Variants in HIBADH observed in about 807,000 individuals in gnomAD.
HIBADH encodes 3-hydroxyisobutyrate dehydrogenase, also known as 3-hydroxyisobutyrate dehydrogenase, mitochondrial.
HIBADH carries 25 observed loss-of-function variants against 36.1 expected under a neutral mutation model. That is an observed-to-expected ratio of 0.69 (90% CI 0.50 to 0.97). HIBADH has a LOEUF of 0.97. Ranked by LOEUF, HIBADH falls within the 50% of genes least tolerant of loss-of-function variation. HIBADH has a pLI of 0.00. For synonymous variants in HIBADH, 160 were observed against 149.5 expected, an observed-to-expected ratio of 1.07 and a Z score of -0.51; for missense variants, 421 against 418.0, an observed-to-expected ratio of 1.01 and a Z score of -0.06.
chr7:27,565,338 C>T (rs1784530400), intron 4 of HIBADH, among the ~76,000 whole-genome samples: 1 of 152,180 alleles, frequency 6.6e-6, no homozygotes, highest in Non-Finnish European at 1.5e-5. Context: ...CCCATATGGC[C>T]TTGTGTGGTG....
At chr7:27,566,240 TTAAA>T (rs1784546789) in intron 4 of HIBADH, among the ~76,000 whole-genome samples, 1 of 152,102 alleles carries the variant, frequency 6.6e-6, no homozygotes, top group African/African-American at 2.4e-5. Flanking sequence ...TGCTATTTCT[TTAAA>T]TAAGAAGAAA....
chr7:27,654,667 T>C (rs571903640), intron 1 of HIBADH, among the ~76,000 whole-genome samples: 6 of 148,548 alleles, frequency 4.0e-5, no homozygotes, highest in Non-Finnish European at 8.9e-5. Flanking sequence ...CTCAGGGGTA[T>C]GATGATGGAT....
intron 7 of HIBADH, among the ~76,000 whole-genome samples, chr7:27,527,960 A>C: frequency 9.7e-6 from 1 of 103,122 alleles, no homozygotes; most frequent in African/African-American, 4.0e-5. Context: ...ACAGGGTTTC[A>C]CCATGTTGGC....
intron 1 of HIBADH, among the ~76,000 whole-genome samples, chr7:27,662,135 G>T (rs1455084753): frequency 1.3e-5 from 2 of 152,156 alleles, no homozygotes; most frequent in African/African-American, 4.8e-5. Context: ...GTAGAGGGGG[G>T]AAGCCCGTCT....
chr7:27,566,647 T>C (rs1472068397), intron 4 of HIBADH, among the ~76,000 whole-genome samples: 1 of 152,154 alleles, frequency 6.6e-6, no homozygotes, highest in East Asian at 1.9e-4. Flanking sequence ...AAATTACTGA[T>C]ATGAGACTCC....
At chr7:27,635,955 CTTTGA>C (rs967450398) in intron 2 of HIBADH, among the ~76,000 whole-genome samples, 63 of 152,278 alleles carry the variant, frequency 4.1e-4, no homozygotes, top group African/African-American at 1.4e-3. Flanking sequence ...CTGAATTAGA[CTTTGA>C]TTTATCTGTA....
intron 2 of HIBADH, among the ~76,000 whole-genome samples, chr7:27,646,611 A>C (rs967084126): frequency 6.6e-6 from 1 of 150,834 alleles, no homozygotes; most frequent in African/African-American, 2.4e-5. Context: ...TGCAGCCTCA[A>C]CCTCCTAGGC....
intron 6 of HIBADH, among the ~76,000 whole-genome samples, chr7:27,535,160 G>A (rs1020229178): frequency 2.0e-5 from 3 of 151,640 alleles, no homozygotes; most frequent in Non-Finnish European, 4.4e-5. Flanking sequence ...ATCTGTTCCT[G>A]TGACACAAAC....
intron 4 of HIBADH, among the ~76,000 whole-genome samples, chr7:27,555,619 T>C (rs1439007449): frequency 6.6e-6 from 1 of 152,166 alleles, no homozygotes; most frequent in Non-Finnish European, 1.5e-5. Context: ...GTCCATTCAG[T>C]TATGATGTTA....
chr7:27,606,558 G>A (rs187085641), intron 4 of HIBADH, among the ~76,000 whole-genome samples: 1 of 152,360 alleles, frequency 6.6e-6, no homozygotes, highest in African/African-American at 2.4e-5. Context: ...TAAGTCAAGA[G>A]CTGGAGAATT....
chr7:27,539,175 G>A (rs1214668187), intron 5 of HIBADH, among the ~76,000 whole-genome samples: 1 of 152,104 alleles, frequency 6.6e-6, no homozygotes, highest in African/African-American at 2.4e-5. Context: ...CAAGCATCTT[G>A]ATGGAGTTGG....
intron 4 of HIBADH, among the ~76,000 whole-genome samples, chr7:27,612,274 A>G (rs1785334609): frequency 6.6e-6 from 1 of 152,156 alleles, no homozygotes; most frequent in African/African-American, 2.4e-5. Context: ...TGTTGAAGAA[A>G]GAAATGCAGA....
intron 4 of HIBADH, among the ~76,000 whole-genome samples, chr7:27,613,012 A>G (rs1785349530): frequency 7.3e-6 from 1 of 136,422 alleles, no homozygotes. Flanking sequence ...ATATATATCC[A>G]AAAATATATA....
At chr7:27,548,724 T>G (rs1784272740) in intron 4 of HIBADH, among the ~76,000 whole-genome samples, 1 of 151,980 alleles carries the variant, frequency 6.6e-6, no homozygotes, top group Non-Finnish European at 1.5e-5. Context: ...ACTCAAAAAA[T>G]CCAAAATATA....
chr7:27,542,129 G>A (rs981405333), intron 5 of HIBADH, among the ~76,000 whole-genome samples: 7 of 152,052 alleles, frequency 4.6e-5, no homozygotes, highest in African/African-American at 1.4e-4. Context: ...TATTTTATGC[G>A]TTCACGACAT....
chr7:27,594,013 A>G (rs1318290554), intron 4 of HIBADH, among the ~76,000 whole-genome samples: 1 of 150,430 alleles, frequency 6.6e-6, no homozygotes, highest in African/African-American at 2.4e-5. Flanking sequence ...ACAGAGCGAG[A>G]CTCCGTCTCA....
At chr7:27,579,066 A>AG (rs1562629108) in intron 4 of HIBADH, among the ~76,000 whole-genome samples, 70 of 152,076 alleles carry the variant, frequency 4.6e-4, no homozygotes, top group Non-Finnish European at 9.4e-4. Context: ...TGAAGAAACA[A>AG]AACAACTAAA....
chr7:27,647,087 T>C (rs1786086553), intron 2 of HIBADH, among the ~76,000 whole-genome samples: 1 of 152,076 alleles, frequency 6.6e-6, no homozygotes, highest in African/African-American at 2.4e-5. Flanking sequence ...ATAGAACAAT[T>C]ATAACAATAT....
intron 4 of HIBADH, among the ~76,000 whole-genome samples, chr7:27,593,496 T>TA (rs34453577): frequency 7.9e-5 from 12 of 151,166 alleles, no homozygotes; most frequent in Admixed American, 1.3e-4. Flanking sequence ...AACATACATT[T>TA]AAAAAAAAAG....
Sources: allele counts gnomAD v4.1 joint callset (sites outside exome capture counted in the v4.1 genomes callset), GRCh38; gene constraint gnomAD v4.1.1; transcripts MANE v1.5; gene names NCBI Gene and HGNC (gene_info 2026-07-23, HGNC 2026-07-21).